The following PARM1 variants were observed in gnomAD, a reference collection of about 807,000 sequenced individuals.
The protein encoded by PARM1 is prostate androgen-regulated mucin-like protein 1, also known as WSC4, cell wall integrity and stress response component 4 homolog.
In PARM1, 14 loss-of-function variants were observed where a neutral mutation model predicts 24.6. That is an observed-to-expected ratio of 0.57 (90% CI 0.38 to 0.89). The LOEUF (loss-of-function observed/expected upper bound fraction) is 0.89, where lower values mean the gene tolerates loss of function less well. Ranked by LOEUF, PARM1 falls within the 40% of genes least tolerant of loss-of-function variation. The pLI, the probability that PARM1 is intolerant of heterozygous loss-of-function variation, is 0.00. For synonymous variants in PARM1, 179 were observed against 156.6 expected (o/e 1.14, Z -1.07); for missense variants, 362 against 380.4 (o/e 0.95, Z 0.40).
intron 1 of PARM1, among the ~76,000 whole-genome samples, chr4:74,940,735 C>G (rs1291429183): frequency 6.6e-6 from 1 of 152,194 alleles, no homozygotes; most frequent in Non-Finnish European, 1.5e-5. Flanking sequence ...TAGGACCACT[C>G]CATACTATAG....
intron 1 of PARM1, among the ~76,000 whole-genome samples, chr4:75,001,929 A>G (rs1475882068): frequency 1.3e-5 from 2 of 152,236 alleles, no homozygotes; most frequent in Non-Finnish European, 1.5e-5. Context: ...TGAAGCCAAC[A>G]TGAATACAAA....
chr4:74,936,912 G>GCCCTGGGTCTGCTCTGTTTGC (rs1721206170), intron 1 of PARM1, among the ~76,000 whole-genome samples: 1 of 152,012 alleles, frequency 6.6e-6, no homozygotes, highest in Non-Finnish European at 1.5e-5. Context: ...TATTTCTACC[G>GCCCTGGGTCTGCTCTGTTTGC]CCCTGGGTCT....
intron 1 of PARM1, among the ~76,000 whole-genome samples, chr4:74,975,666 G>T (rs1457046340): frequency 2.6e-5 from 4 of 152,210 alleles, no homozygotes; most frequent in Non-Finnish European, 5.9e-5. Flanking sequence ...TAAATTGGTA[G>T]TTCAACAACT....
At chr4:75,032,646 T>C (rs1398867496) in intron 2 of PARM1, among the ~76,000 whole-genome samples, 1 of 152,142 alleles carries the variant, frequency 6.6e-6, no homozygotes, top group African/African-American at 2.4e-5. Flanking sequence ...CTTAAAATCA[T>C]GCAAGATGGA....
chr4:75,034,138 G>C (rs2109809503), intron 3 of PARM1, among the ~76,000 whole-genome samples, 177 bp downstream of exon 3: 1 of 152,286 alleles, frequency 6.6e-6, no homozygotes, highest in African/African-American at 2.4e-5. Context: ...TAGACGTACA[G>C]TATCTGAACC....
At chr4:75,040,278 T>C (rs1723456088) in intron 3 of PARM1, among the ~76,000 whole-genome samples, 1 of 152,222 alleles carries the variant, frequency 6.6e-6, no homozygotes, top group African/African-American at 2.4e-5. Context: ...TAAACAGATG[T>C]GCCAATGTGT....
chr4:75,016,176 A>G (rs549589707), intron 2 of PARM1, among the ~76,000 whole-genome samples: 1 of 152,308 alleles, frequency 6.6e-6, no homozygotes, highest in South Asian at 2.1e-4. Context: ...GTTGCAGAAA[A>G]TAAAGGAAAT....
intron 1 of PARM1, among the ~76,000 whole-genome samples, chr4:74,965,859 GA>G (rs1385586532): frequency 6.6e-6 from 1 of 152,160 alleles, no homozygotes; most frequent in Non-Finnish European, 1.5e-5. Flanking sequence ...AGTAGACTCA[GA>G]AAACATGCCA....
intron 1 of PARM1, among the ~76,000 whole-genome samples, chr4:74,948,242 G>C (rs778958883): frequency 1.6e-4 from 25 of 152,162 alleles, no homozygotes; most frequent in Non-Finnish European, 3.4e-4. Flanking sequence ...CTCCATGCTT[G>C]TCAAATTGAA....
At chr4:75,039,898 T>G (rs1723447535) in intron 3 of PARM1, among the ~76,000 whole-genome samples, 1 of 152,214 alleles carries the variant, frequency 6.6e-6, no homozygotes, top group African/African-American at 2.4e-5. Context: ...ATCTGGCTAA[T>G]TTCAAGTCGT....
At chr4:75,033,239 A>G (rs1426008608) in intron 2 of PARM1, among the ~76,000 whole-genome samples, 1 of 152,220 alleles carries the variant, frequency 6.6e-6, no homozygotes, top group Non-Finnish European at 1.5e-5. Context: ...ACTTCACTTT[A>G]GTCTCTATAA....
chr4:75,008,760 TTGAA>T (rs568933343), intron 1 of PARM1, among the ~76,000 whole-genome samples: 3 of 152,202 alleles, frequency 2.0e-5, no homozygotes, highest in Admixed American at 6.5e-5. Context: ...CAATAAATTC[TTGAA>T]TGAATGAATG....
rs1308846594 is a variant in PARM1 at position 75,049,080 on chromosome 4, G to A, written c.*2833G>A. The stretch of plus-strand genomic sequence containing the variant: ...CACATCCTATCCATGGATAGGTCTA[G>A]TCATAACACTTTAGAGAGAATGTCA... On this transcript the variant is annotated 3_prime_UTR_variant, in exon 4 of 4. Coordinates refer to ENST00000307428, the MANE Select transcript of PARM1 (RefSeq NM_015393.4). 6.6e-6 allele frequency: 1 copy of A among 152,256 alleles called. No homozygotes were observed. The highest frequency in any genetic ancestry group is 1.5e-5 in the Non-Finnish European group (1 of 68,048). The allele number at this position is 152,256 out of a possible 1,614,324, so 9.4% of individuals were successfully genotyped here. A position where few individuals can be genotyped will look rare whatever the true frequency, so the allele number is the denominator to read the frequency against.
chr4:74,958,530 C>T (rs917191062), intron 1 of PARM1, among the ~76,000 whole-genome samples: 2 of 152,150 alleles, frequency 1.3e-5, no homozygotes, highest in African/African-American at 4.8e-5. Flanking sequence ...TAGAGGAGTA[C>T]TCTGACAAAG....
intron 1 of PARM1, among the ~76,000 whole-genome samples, chr4:74,943,200 T>C (rs1721347890): frequency 6.6e-6 from 1 of 152,210 alleles, no homozygotes; most frequent in Non-Finnish European, 1.5e-5. Flanking sequence ...CTCTTGCCTC[T>C]ACTTTTTCTT....
At chr4:75,028,379 A>T (rs1328930414) in intron 2 of PARM1, among the ~76,000 whole-genome samples, 1 of 152,202 alleles carries the variant, frequency 6.6e-6, no homozygotes, top group African/African-American at 2.4e-5. Context: ...AAAGAGAAAG[A>T]ATTCCTCTGA....
intron 2 of PARM1, among the ~76,000 whole-genome samples, chr4:75,027,963 A>C (rs190723096): frequency 6.6e-6 from 1 of 152,142 alleles, no homozygotes; most frequent in Admixed American, 6.5e-5. Flanking sequence ...CAACACATGG[A>C]CTCTCGAACC....
intron 1 of PARM1, among the ~76,000 whole-genome samples, chr4:74,935,811 T>G (rs779464763): frequency 6.6e-6 from 1 of 152,112 alleles, no homozygotes; most frequent in Non-Finnish European, 1.5e-5. Context: ...AGGGTAGATC[T>G]CTACATGTAT....
intron 2 of PARM1, among the ~76,000 whole-genome samples, chr4:75,018,272 C>T (rs1723025425): frequency 1.3e-5 from 2 of 152,134 alleles, no homozygotes; most frequent in Admixed American, 6.5e-5. Context: ...GTAGGAAGGA[C>T]GACTTCAGGG....
Sources: gnomAD v4.1 joint callset for allele counts (sites outside exome capture counted in the v4.1 genomes callset) on GRCh38, gnomAD v4.1.1 for gene constraint, MANE v1.5 for transcripts, NCBI Gene and HGNC (gene_info 2026-07-23, HGNC 2026-07-21) for gene names.